Variants in PITPNC1 observed in about 807,000 individuals in gnomAD.
PITPNC1 encodes the protein cytoplasmic phosphatidylinositol transfer protein 1.
In PITPNC1, 18 loss-of-function variants were observed where a neutral mutation model predicts 44.7. The ratio of observed to expected loss-of-function variants is 0.40; its 90% CI spans 0.28 to 0.60. The LOEUF is 0.60. Among genes scored for constraint, PITPNC1 ranks in the 20% least tolerant of loss-of-function variants. The probability of loss-of-function intolerance (pLI) is 0.39; values close to 1 mark genes in which losing one functional copy is unlikely to be tolerated. For missense variants in PITPNC1, 290 were observed against 418.4 expected (o/e 0.69, Z 2.68); for synonymous variants, 141 against 149.6 (o/e 0.94, Z 0.42).
At chr17:67,450,794 C>T (rs1359122505) in intron 1 of PITPNC1, among the ~76,000 whole-genome samples, 1 of 152,184 alleles carries the variant, frequency 6.6e-6, no homozygotes, top group African/African-American at 2.4e-5. Context: ...ACCATCATCA[C>T]TGTTCACTTT....
intron 6 of PITPNC1, chr17:67,632,568 T>G (rs2041984296): frequency 8.5e-5 from 15 of 176,466 alleles, no homozygotes; most frequent in East Asian, 5.2e-4. Flanking sequence ...TTACATGCGC[T>G]CTTTTTTTTT....
intron 7 of PITPNC1, among the ~76,000 whole-genome samples, chr17:67,675,262 G>A (rs1031175467): frequency 6.6e-6 from 1 of 152,092 alleles, no homozygotes; most frequent in African/African-American, 2.4e-5. Flanking sequence ...ATAAGACAAA[G>A]AGATGAATAT....
At chr17:67,611,994 G>T (rs1342231127) in intron 5 of PITPNC1, 4 of 152,322 alleles carry the variant, frequency 2.6e-5, no homozygotes, top group Admixed American at 6.5e-5. Context: ...AGGGGTTGGG[G>T]CCTTGAGAGC....
At chr17:67,475,755 G>A (rs906945586) in intron 1 of PITPNC1, among the ~76,000 whole-genome samples, 2 of 152,200 alleles carry the variant, frequency 1.3e-5, no homozygotes, top group African/African-American at 4.8e-5. Flanking sequence ...TGTAGGTTGT[G>A]CATCAGTAAG....
intron 7 of PITPNC1, among the ~76,000 whole-genome samples, chr17:67,673,949 A>G (rs998606131): frequency 7.0e-6 from 1 of 143,736 alleles, no homozygotes; most frequent in African/African-American, 2.6e-5. Context: ...CCTAGGGGAC[A>G]GAGCGAGACT....
chr17:67,468,664 A>C (rs1395008240), intron 1 of PITPNC1, among the ~76,000 whole-genome samples: 3 of 148,956 alleles, frequency 2.0e-5, no homozygotes, highest in Non-Finnish European at 3.0e-5. Flanking sequence ...CAGCCTCCCA[A>C]AGTGCTGGGA....
chr17:67,482,472 T>C (rs1481548120), intron 1 of PITPNC1, among the ~76,000 whole-genome samples: 1 of 152,184 alleles, frequency 6.6e-6, no homozygotes, highest in Non-Finnish European at 1.5e-5. Flanking sequence ...TTGAATCAGA[T>C]TCTTCAACTC....
At chr17:67,680,370 C>G (rs1397006633) in intron 8 of PITPNC1, among the ~76,000 whole-genome samples, 3 of 152,078 alleles carry the variant, frequency 2.0e-5, no homozygotes, top group African/African-American at 7.2e-5. Context: ...GAGGCCAAGG[C>G]GGGCAGATCA....
chr17:67,579,879 G>T (rs192850468), intron 5 of PITPNC1, among the ~76,000 whole-genome samples: 1 of 151,738 alleles, frequency 6.6e-6, no homozygotes, highest in East Asian at 1.9e-4. Context: ...GGCAGAGGTT[G>T]CAGTGAGCGC....
intron 6 of PITPNC1, among the ~76,000 whole-genome samples, chr17:67,650,044 C>G (rs1449513099): frequency 6.6e-6 from 1 of 152,078 alleles, no homozygotes; most frequent in African/African-American, 2.4e-5. Flanking sequence ...AAAGTTCTAA[C>G]CCCCTAATCA....
intron 1 of PITPNC1, among the ~76,000 whole-genome samples, chr17:67,425,203 G>GCACA (rs60705271): frequency 0.018 from 1,735 of 98,652 alleles, 74 homozygotes; most frequent in East Asian, 0.038. Context: ...GCACGCACAC[G>GCACA]CACACACACA....
At chr17:67,569,839 T>C (rs575180021) in intron 4 of PITPNC1, among the ~76,000 whole-genome samples, 7 of 152,320 alleles carry the variant, frequency 4.6e-5, no homozygotes, top group African/African-American at 1.7e-4. Context: ...TTTTCTATGA[T>C]GCTTTCTCTG....
At chr17:67,436,484 A>G (rs72845123) in intron 1 of PITPNC1, among the ~76,000 whole-genome samples, 42,795 of 151,844 alleles carry the variant, frequency 0.28, 6,068 homozygotes, top group South Asian at 0.44. Context: ...GAGGGAGGCA[A>G]GAGGTAAGCA....
chr17:67,496,407 TG>T (rs2039952917), intron 1 of PITPNC1, among the ~76,000 whole-genome samples: 1 of 152,222 alleles, frequency 6.6e-6, no homozygotes, highest in Non-Finnish European at 1.5e-5. Context: ...AAGAGGCATT[TG>T]AGGCCCATGC....
intron 1 of PITPNC1, among the ~76,000 whole-genome samples, chr17:67,494,034 C>T (rs1268878570): frequency 3.3e-5 from 5 of 152,148 alleles, no homozygotes; most frequent in Admixed American, 3.3e-4. Flanking sequence ...ACAGACAAAC[C>T]ATCCCCTGTC....
intron 1 of PITPNC1, among the ~76,000 whole-genome samples, chr17:67,492,406 T>A (rs1200938293): frequency 6.6e-6 from 1 of 152,158 alleles, no homozygotes; most frequent in Non-Finnish European, 1.5e-5. Context: ...ATTAGAGCAC[T>A]GGAGCTGCAA....
intron 6 of PITPNC1, among the ~76,000 whole-genome samples, chr17:67,665,778 C>T (rs1301531801): frequency 2.0e-5 from 3 of 151,978 alleles, no homozygotes; most frequent in Non-Finnish European, 4.4e-5. Flanking sequence ...GCTTCAGAAG[C>T]AGAAAGGAGG....
At chr17:67,671,602 G>T (rs1303957412) in intron 7 of PITPNC1, among the ~76,000 whole-genome samples, 1 of 152,146 alleles carries the variant, frequency 6.6e-6, no homozygotes, top group Non-Finnish European at 1.5e-5. Context: ...GGTAATGGCA[G>T]ACTCTGGCAC....
intron 1 of PITPNC1, among the ~76,000 whole-genome samples, chr17:67,423,168 T>C (rs530852709): frequency 6.6e-5 from 10 of 152,302 alleles, no homozygotes; most frequent in African/African-American, 2.2e-4. Flanking sequence ...GTTCGGAAGC[T>C]TTTTGTGGCA....
Sources: allele counts gnomAD v4.1 joint callset (sites outside exome capture counted in the v4.1 genomes callset), GRCh38; gene constraint gnomAD v4.1.1; transcripts MANE v1.5; gene names NCBI Gene and HGNC (gene_info 2026-07-23, HGNC 2026-07-21).